SPIRE1: variants seen among roughly 807,000 people sequenced by gnomAD.
SPIRE1 encodes spire type actin nucleation factor 1, also known as protein spire homolog 1.
SPIRE1 carries 40 observed loss-of-function variants against 94.1 expected under a neutral mutation model. The observed-to-expected ratio is 0.43, with a 90% confidence interval of 0.33 to 0.55. The LOEUF is 0.55. Ranked by LOEUF, SPIRE1 falls within the 20% of genes least tolerant of loss-of-function variation. SPIRE1 has a pLI of 0.06. For synonymous variants in SPIRE1, 376 were observed against 371.7 expected, an observed-to-expected ratio of 1.01 and a Z score of -0.13; for missense variants, 838 against 975.2, an observed-to-expected ratio of 0.86 and a Z score of 1.87.
intron 2 of SPIRE1, among the ~76,000 whole-genome samples, chr18:12,590,437 T>C (rs1326167003): frequency 6.6e-6 from 1 of 152,108 alleles, no homozygotes; most frequent in Non-Finnish European, 1.5e-5. Context: ...TCCCTTTCAA[T>C]GCAATCTGAA....
chr18:12,657,948 C>A lies in SPIRE1; in HGVS notation c.-82G>T, dbSNP rs1170133089. 20 of 1,007,806 alleles carry A rather than the reference C, an allele frequency of 2.0e-5. No homozygotes were observed. In the Middle Eastern group the frequency reaches 3.4e-3, roughly 174 times the overall value. 62.4% of individuals were successfully genotyped at this position (1,007,806 alleles called of 1,614,324 possible). On this transcript the variant is annotated 5_prime_UTR_variant, in exon 1 of 17. Coordinates refer to ENST00000409402, the MANE Select transcript of SPIRE1 (RefSeq NM_001128626.2). The stretch of plus-strand genomic sequence containing the variant: ...CCGGAGCATCGTCGTCGCGCGCCGC[C>A]GCCTCACCATCCCCGGAACCGCCGC...
intron 2 of SPIRE1, among the ~76,000 whole-genome samples, chr18:12,617,061 T>A (rs1030341139): frequency 6.6e-6 from 1 of 150,956 alleles, no homozygotes; most frequent in African/African-American, 2.4e-5. Flanking sequence ...GGTTTCACTA[T>A]GTTGGCCAGG....
chr18:12,655,730 T>C (rs914315951), intron 1 of SPIRE1, among the ~76,000 whole-genome samples: 3 of 152,024 alleles, frequency 2.0e-5, no homozygotes, highest in Non-Finnish European at 2.9e-5. Context: ...CGAGAATCTA[T>C]CAATCTTTGA....
rs117380336 is a variant in SPIRE1 at position 12,518,133 on chromosome 18, C to T, written c.730-5602G>A. On this transcript the variant is annotated intron_variant, in intron 4 of 16. Coordinates refer to ENST00000409402, the MANE Select transcript of SPIRE1 (RefSeq NM_001128626.2). Reference sequence around the variant, plus strand: ...TCAAGCAATCCTTTCACCTCAGCCTCCTGAGCAGCAGGGACTACAGGCATG... The same window carrying T: ...TCAAGCAATCCTTTCACCTCAGCCTTCTGAGCAGCAGGGACTACAGGCATG... 5.2e-3 allele frequency among the ~76,000 whole-genome samples: 790 copies of T among 152,244 alleles called. 5 individuals are homozygous for T. The highest frequency in any genetic ancestry group is 0.011 in the South Asian group (53 of 4,822).
chr18:12,614,851 C>A (rs921440288), intron 2 of SPIRE1, among the ~76,000 whole-genome samples: 2 of 151,698 alleles, frequency 1.3e-5, no homozygotes, highest in East Asian at 3.9e-4. Context: ...TAAATAAAAT[C>A]TCTGTATTAC....
intron 2 of SPIRE1, among the ~76,000 whole-genome samples, chr18:12,572,827 T>C (rs1043214917): frequency 1.3e-5 from 2 of 152,098 alleles, no homozygotes; most frequent in African/African-American, 4.8e-5. Context: ...CAACTGTATA[T>C]GAACAAGTAA....
intron 10 of SPIRE1, among the ~76,000 whole-genome samples, chr18:12,474,574 C>A (rs1466600746): frequency 2.6e-5 from 4 of 152,162 alleles, no homozygotes; most frequent in Non-Finnish European, 5.9e-5. Flanking sequence ...GTAATCCCAG[C>A]ACTTTGGGAG....
At chr18:12,490,247 G>C (rs117730267) in intron 8 of SPIRE1, among the ~76,000 whole-genome samples, 1,675 of 152,232 alleles carry the variant, frequency 0.011, 15 homozygotes, top group Middle Eastern at 0.024. Flanking sequence ...TTATTCTAAA[G>C]TAGGGTTCCC....
At chr18:12,543,237 C>G (rs1242808477) in intron 3 of SPIRE1, among the ~76,000 whole-genome samples, 1 of 152,168 alleles carries the variant, frequency 6.6e-6, no homozygotes, top group Non-Finnish European at 1.5e-5. Context: ...TAGTCAAGGT[C>G]TGCTGGTGAC....
chr18:12,547,525 G>A (rs934172466), intron 2 of SPIRE1, among the ~76,000 whole-genome samples: 1 of 152,032 alleles, frequency 6.6e-6, no homozygotes, highest in Non-Finnish European at 1.5e-5. Flanking sequence ...CCAGACTTTG[G>A]CCAATACAGG....
At chr18:12,547,017 A>G in intron 2 of SPIRE1, 113 bp from the exon 3 acceptor site, 1 of 640,862 alleles carries the variant, frequency 1.6e-6, no homozygotes, top group Non-Finnish European at 2.7e-6. Flanking sequence ...CATACAACAC[A>G]TACACAAACC....
intron 2 of SPIRE1, among the ~76,000 whole-genome samples, chr18:12,631,791 G>T (rs953019776): frequency 3.3e-5 from 5 of 152,148 alleles, no homozygotes; most frequent in African/African-American, 1.2e-4. Flanking sequence ...CTTGAACCCA[G>T]GAGGCAGAGG....
At chr18:12,602,736 A>G (rs1259018397) in intron 2 of SPIRE1, among the ~76,000 whole-genome samples, 2 of 152,166 alleles carry the variant, frequency 1.3e-5, no homozygotes, top group Non-Finnish European at 2.9e-5. Flanking sequence ...AACCTTTCCT[A>G]CTGTGAAACA....
At chr18:12,635,566 G>A (rs1050980841) in intron 1 of SPIRE1, among the ~76,000 whole-genome samples, 1 of 152,036 alleles carries the variant, frequency 6.6e-6, no homozygotes, top group Non-Finnish European at 1.5e-5. Flanking sequence ...AATATATGCT[G>A]ACTGTTTTTC....
intron 3 of SPIRE1, among the ~76,000 whole-genome samples, chr18:12,535,965 T>C (rs2034829847): frequency 6.6e-6 from 1 of 151,664 alleles, no homozygotes; most frequent in Non-Finnish European, 1.5e-5. Flanking sequence ...AAAATAACAA[T>C]AAAAACCAAA....
rs575329883 is a variant in SPIRE1 at position 12,529,409 on chromosome 18, G to A, written c.729+6067C>T. Among the ~76,000 whole-genome samples, 81 of 152,038 alleles carry A rather than the reference G, an allele frequency of 5.3e-4. 1 individual carries two copies. The highest frequency in any genetic ancestry group is 3.4e-3 in the Middle Eastern group (1 of 292). ...GGCAGTATGTGCTGAATATATAAAG[G>A]TGTCTGGGGTGGCCTGAGGAGATGT... On this transcript the variant is annotated intron_variant, in intron 4 of 16. Transcript: ENST00000409402.
intron 2 of SPIRE1, among the ~76,000 whole-genome samples, chr18:12,597,096 A>G (rs2144616745): frequency 6.7e-6 from 1 of 149,768 alleles, no homozygotes; most frequent in South Asian, 2.1e-4. Context: ...GCACCCTTTC[A>G]TTATCTTACC....
chr18:12,584,072 G>C (rs560356671), intron 2 of SPIRE1, among the ~76,000 whole-genome samples: 4 of 152,170 alleles, frequency 2.6e-5, no homozygotes, highest in Non-Finnish European at 5.9e-5. Context: ...ACACAGAAAG[G>C]TTAATATAAA....
At chr18:12,620,486 A>T (rs576074087) in intron 2 of SPIRE1, among the ~76,000 whole-genome samples, 1 of 152,344 alleles carries the variant, frequency 6.6e-6, no homozygotes, top group South Asian at 2.1e-4. Flanking sequence ...CGGAACTGAC[A>T]GTGCAGAAAT....
Sources: allele counts gnomAD v4.1 joint callset (sites outside exome capture counted in the v4.1 genomes callset), GRCh38; gene constraint gnomAD v4.1.1; transcripts MANE v1.5; gene names NCBI Gene and HGNC (gene_info 2026-07-23, HGNC 2026-07-21).